Variants in LATS2 observed in about 807,000 individuals in gnomAD.
LATS2 encodes the protein serine/threonine-protein kinase LATS2.
A neutral mutation model predicts 76.0 loss-of-function variants in LATS2; 24 were observed. The ratio of observed to expected loss-of-function variants is 0.32; its 90% CI spans 0.23 to 0.44. The LOEUF (loss-of-function observed/expected upper bound fraction) is 0.44, where lower values mean the gene tolerates loss of function less well. Among genes scored for constraint, LATS2 ranks in the 20% least tolerant of loss-of-function variants. The probability of loss-of-function intolerance (pLI) is 1.00; values close to 1 mark genes in which losing one functional copy is unlikely to be tolerated. For synonymous variants in LATS2, 692 were observed against 635.4 expected (o/e 1.09, Z -1.34); for missense variants, 1,286 against 1,481.2 (o/e 0.87, Z 2.16).
chr13:21,051,338 G>A (rs1565966774), intron 1 of LATS2, among the ~76,000 whole-genome samples: 1 of 152,194 alleles, frequency 6.6e-6, no homozygotes, highest in Non-Finnish European at 1.5e-5. Flanking sequence ...GGAAGGCAGA[G>A]GAGAAAATCA....
intron 2 of LATS2, among the ~76,000 whole-genome samples, chr13:21,038,112 C>T (rs1421392093): frequency 1.3e-5 from 2 of 151,926 alleles, no homozygotes; most frequent in East Asian, 1.9e-4. Flanking sequence ...TCTCAAAAAC[C>T]GAAACAAAAC....
chr13:21,061,408 C>A lies in LATS2; in HGVS notation c.-267G>T. 1 of 152,744 alleles carries A rather than the reference C, an allele frequency of 6.5e-6. No homozygotes were observed. The highest frequency in any genetic ancestry group is 1.5e-5 in the Non-Finnish European group (1 of 68,358). The allele number at this position is 152,744 out of a possible 1,614,324, so 9.5% of individuals were successfully genotyped here. The stretch of plus-strand genomic sequence containing the variant: ...GCCGGCGGCTCCCGGGCCTCTCGCG[C>A]CGGGAGACCGGGCACTGGTGGCTGG... On this transcript the variant is annotated 5_prime_UTR_variant, in exon 1 of 8. Coordinates refer to ENST00000382592, the MANE Select transcript of LATS2 (RefSeq NM_014572.3).
chr13:21,037,429 T>C (rs904020218), intron 2 of LATS2, among the ~76,000 whole-genome samples: 1 of 151,916 alleles, frequency 6.6e-6, no homozygotes, highest in Non-Finnish European at 1.5e-5. Context: ...TTAAAAATCA[T>C]ATTTTAAAAG....
intron 1 of LATS2, among the ~76,000 whole-genome samples, chr13:21,048,233 A>C (rs1873140032): frequency 6.6e-6 from 1 of 152,240 alleles, no homozygotes; most frequent in African/African-American, 2.4e-5. Flanking sequence ...AGAGGTTCTC[A>C]AGGTGATGCC....
intron 2 of LATS2, among the ~76,000 whole-genome samples, chr13:20,998,542 T>G (rs906516502): frequency 2.0e-5 from 3 of 151,948 alleles, no homozygotes; most frequent in African/African-American, 7.2e-5. Context: ...AAGGCCTAGA[T>G]TTTTTTATGA....
At chr13:21,006,797 A>G (rs1053135739) in intron 2 of LATS2, among the ~76,000 whole-genome samples, 3 of 152,190 alleles carry the variant, frequency 2.0e-5, no homozygotes, top group African/African-American at 7.2e-5. Context: ...GGACTTTTTA[A>G]GAGAGTAGCT....
At chr13:20,989,452 G>A in intron 3 of LATS2, 148 bp from the exon 4 acceptor site, 2 of 789,700 alleles carry the variant, frequency 2.5e-6, no homozygotes, top group Non-Finnish European at 4.0e-6. Flanking sequence ...GCCCAGCACA[G>A]GGTCAGTGGA....
intron 2 of LATS2, among the ~76,000 whole-genome samples, chr13:21,007,723 G>C (rs1465226992): frequency 8.8e-4 from 2 of 2,268 alleles, no homozygotes; most frequent in African/African-American, 2.6e-3. Context: ...TATATATATA[G>C]TATATATATA....
At chr13:21,026,301 T>G (rs1057076726) in intron 2 of LATS2, among the ~76,000 whole-genome samples, 1 of 139,618 alleles carries the variant, frequency 7.2e-6, no homozygotes, top group Non-Finnish European at 1.5e-5. Flanking sequence ...AAGTAACTAA[T>G]TATCCACTTT....
At chr13:21,001,624 C>A (rs775445789) in intron 2 of LATS2, among the ~76,000 whole-genome samples, 3 of 152,150 alleles carry the variant, frequency 2.0e-5, no homozygotes, top group Non-Finnish European at 4.4e-5. Context: ...TCAGCCCCAG[C>A]TGAGTTCCCA....
chr13:21,033,993 T>C (rs930859088), intron 2 of LATS2, among the ~76,000 whole-genome samples: 4 of 152,046 alleles, frequency 2.6e-5, no homozygotes, highest in African/African-American at 9.7e-5. Context: ...CCCAGGCTGG[T>C]AGGACAACGA....
chr13:20,983,623 C>T lies in LATS2; in HGVS notation c.2083G>A (p.Ala695Thr), dbSNP rs1172808550. The T allele has an allele frequency of 1.9e-6, 3 of 1,613,972 alleles. No individual in the cohort carries two copies. The highest frequency in any genetic ancestry group is 1.7e-5 in the Admixed American group (1 of 59,986). ...ACKVDTHALYAMKTLRKKDVL... is the reference protein window; with the variant it reads ...ACKVDTHALYTMKTLRKKDVL... Reference sequence around the variant, plus strand: ...TCCTTTTTCCTTAGGGTCTTCATGGCGTACAGGGCGTGAGTGTCCACCTTA... The same window carrying T: ...TCCTTTTTCCTTAGGGTCTTCATGGTGTACAGGGCGTGAGTGTCCACCTTA... Residue 695 changes from alanine to threonine, a missense_variant, in exon 5 of 8, where the codon GCC becomes ACC. Coordinates refer to ENST00000382592, the MANE Select transcript of LATS2 (RefSeq NM_014572.3).
At chr13:20,986,917 G>A (rs1308154119) in intron 4 of LATS2, among the ~76,000 whole-genome samples, 1 of 152,214 alleles carries the variant, frequency 6.6e-6, no homozygotes, top group African/African-American at 2.4e-5. Context: ...AAACGGCTGG[G>A]TGTGGTGGCT....
In LATS2 at chr13:21,045,935, T is replaced by G; in HGVS notation, c.92A>C (p.Lys31Thr). The G allele has an allele frequency of 3.1e-6, 5 of 1,614,230 alleles. No individual in the cohort carries two copies. Among genetic ancestry groups the G allele is most frequent in the Non-Finnish European group, 4.2e-6 (5 of 1,180,046 alleles). The stretch of plus-strand genomic sequence containing the variant: ...TGCGGGTAGCCCCTGAACCGAAGAC[T>G]TGGATGGCTGTTTTAACCCCTCACG... ...EIREGLKQPSKSSVQGLPAGP... is the reference protein window; with the variant it reads ...EIREGLKQPSTSSVQGLPAGP... Residue 31 changes from lysine to threonine, a missense_variant, in exon 2 of 8, where the codon AAG becomes ACG. Lys to Thr is a moderately conservative substitution (Grantham distance 78). This residue lies in a region of LATS2 where 101 missense variants were observed against 141.4 expected (regional missense o/e 0.71). Transcript: ENST00000382592.
At chr13:20,978,331 CAG>C (rs990875169) in intron 7 of LATS2, among the ~76,000 whole-genome samples, 2 of 152,084 alleles carry the variant, frequency 1.3e-5, no homozygotes, top group Non-Finnish European at 2.9e-5. Flanking sequence ...GACTGTGTGT[CAG>C]TTGGTATGTC....
At chr13:20,978,418 G>A (rs962561458) in intron 7 of LATS2, among the ~76,000 whole-genome samples, 1 of 152,078 alleles carries the variant, frequency 6.6e-6, no homozygotes, top group Non-Finnish European at 1.5e-5. Context: ...GCAAATGGCT[G>A]TCATTTTAAA....
intron 7 of LATS2, among the ~76,000 whole-genome samples, chr13:20,975,813 A>G (rs1209718880): frequency 6.6e-6 from 1 of 152,092 alleles, no homozygotes; most frequent in Non-Finnish European, 1.5e-5. Flanking sequence ...CCTCCCGAGT[A>G]GCTGGGATTA....
chr13:21,039,095 TA>T (rs1416608684), intron 2 of LATS2, among the ~76,000 whole-genome samples: 7 of 152,060 alleles, frequency 4.6e-5, no homozygotes, highest in African/African-American at 1.7e-4. Flanking sequence ...ATTAAAAAGG[TA>T]TGTGGTGTGC....
chr13:21,023,637 G>C (rs1423166188), intron 2 of LATS2, among the ~76,000 whole-genome samples: 1 of 105,960 alleles, frequency 9.4e-6, no homozygotes, highest in East Asian at 3.3e-4. Flanking sequence ...CATTTTCTAT[G>C]ACTGGCTTTA....
Sources: gnomAD v4.1 joint callset for allele counts (sites outside exome capture counted in the v4.1 genomes callset) on GRCh38, gnomAD v4.1.1 for gene constraint, gnomAD v4.1.1 regional missense constraint, MANE v1.5 for transcripts, NCBI Gene and HGNC (gene_info 2026-07-23, HGNC 2026-07-21) for gene names.